The following PRKCA variants were observed in gnomAD, a reference collection of about 807,000 sequenced individuals.
The protein encoded by PRKCA is protein kinase C alpha type.
PRKCA carries 27 observed loss-of-function variants against 87.0 expected under a neutral mutation model. The ratio of observed to expected loss-of-function variants is 0.31; its 90% CI spans 0.23 to 0.43. PRKCA has a LOEUF of 0.43. Ranked by LOEUF, PRKCA falls within the 20% of genes least tolerant of loss-of-function variation. The probability of loss-of-function intolerance (pLI) is 1.00; values close to 1 mark genes in which losing one functional copy is unlikely to be tolerated. For missense variants in PRKCA, 518 were observed against 852.3 expected (o/e 0.61, Z 4.88); for synonymous variants, 329 against 311.1 (o/e 1.06, Z -0.61).
chr17:66,700,510 TC>T (rs1445255446), intron 8 of PRKCA, among the ~76,000 whole-genome samples: 5 of 152,074 alleles, frequency 3.3e-5, no homozygotes. Flanking sequence ...AGTAAAATAG[TC>T]TCTGCAGATG....
At chr17:66,325,966 T>C (rs1401953416) in intron 2 of PRKCA, among the ~76,000 whole-genome samples, 1 of 152,202 alleles carries the variant, frequency 6.6e-6, no homozygotes, top group East Asian at 1.9e-4. Flanking sequence ...TATGAGTGGC[T>C]ACCATCCATT....
chr17:66,631,293 A>AT (rs890408441), intron 3 of PRKCA, among the ~76,000 whole-genome samples: 1 of 152,064 alleles, frequency 6.6e-6, no homozygotes, highest in Non-Finnish European at 1.5e-5. Flanking sequence ...ACGGTAAATA[A>AT]TTTTTTTTAG....
chr17:66,335,904 A>G (rs982227988), intron 2 of PRKCA, among the ~76,000 whole-genome samples: 4 of 152,166 alleles, frequency 2.6e-5, no homozygotes, highest in African/African-American at 4.8e-5. Context: ...CTCTTGATCC[A>G]TATCATCACA....
intron 2 of PRKCA, among the ~76,000 whole-genome samples, chr17:66,331,707 A>G (rs1412537562): frequency 6.6e-6 from 1 of 152,190 alleles, no homozygotes; most frequent in African/African-American, 2.4e-5. Flanking sequence ...CAACTTAATT[A>G]TCTTAAGAGG....
At chr17:66,593,476 T>C (rs1969878522) in intron 3 of PRKCA, among the ~76,000 whole-genome samples, 1 of 152,116 alleles carries the variant, frequency 6.6e-6, no homozygotes, top group Non-Finnish European at 1.5e-5. Context: ...CCAAGCCCAG[T>C]AAAGCAGTTG....
chr17:66,322,986 G>C (rs1454530178), intron 2 of PRKCA, among the ~76,000 whole-genome samples: 1 of 152,134 alleles, frequency 6.6e-6, no homozygotes, highest in Non-Finnish European at 1.5e-5. Flanking sequence ...TCACTATTAT[G>C]ACTTTTAGAT....
At chr17:66,654,669 T>C (rs1971685582) in intron 5 of PRKCA, among the ~76,000 whole-genome samples, 1 of 152,212 alleles carries the variant, frequency 6.6e-6, no homozygotes, top group Non-Finnish European at 1.5e-5. Flanking sequence ...CAATTAATTG[T>C]GGAGGCTACT....
chr17:66,589,247 TCCA>T (rs1318479842), intron 3 of PRKCA, among the ~76,000 whole-genome samples: 6 of 152,140 alleles, frequency 3.9e-5, no homozygotes, highest in African/African-American at 1.4e-4. Flanking sequence ...CACAATTCTG[TCCA>T]CCAAGAGATA....
At chr17:66,679,806 A>G (rs1163793827) in intron 5 of PRKCA, among the ~76,000 whole-genome samples, 3 of 152,194 alleles carry the variant, frequency 2.0e-5, no homozygotes, top group African/African-American at 7.2e-5. Flanking sequence ...TCAGCAAGCG[A>G]AAGTGGAGTT....
intron 2 of PRKCA, among the ~76,000 whole-genome samples, chr17:66,436,447 T>G (rs943177055): frequency 6.6e-6 from 1 of 152,160 alleles, no homozygotes; most frequent in Non-Finnish European, 1.5e-5. Context: ...GAGGATTAAG[T>G]GAGAGAACAC....
chr17:66,781,276 G>A (rs979835755), intron 14 of PRKCA, among the ~76,000 whole-genome samples: 17 of 152,180 alleles, frequency 1.1e-4, no homozygotes, highest in African/African-American at 3.1e-4. Flanking sequence ...GACCAGCACC[G>A]GCCAATGAGA....
chr17:66,618,353 CAA>C lies in PRKCA; in HGVS notation c.289-22987_289-22986del, dbSNP rs34535549. On this transcript the variant is annotated intron_variant, in intron 3 of 16. Coordinates refer to ENST00000413366, the MANE Select transcript of PRKCA (RefSeq NM_002737.3). ...CTGGCCAATGAGTGAAACCCTATCG[CAA>C]AAAAAAAAAAAAAAGAACATAGTCA... Among the ~76,000 whole-genome samples, 1,092 of 134,154 alleles carry C rather than the reference CAA, an allele frequency of 8.1e-3. 5 individuals are homozygous for C. Among genetic ancestry groups the C allele is most frequent in the African/African-American group, 9.0e-3 (322 of 35,724 alleles). The allele number at this position is 134,154 out of a possible 152,430, so 88.0% of individuals were successfully genotyped here.
rs1057476423 is a variant in PRKCA at position 66,649,063 on chromosome 17, G to A, written c.529+3552G>A. Among the ~76,000 whole-genome samples the A allele has an allele frequency of 2.1e-4, 31 of 149,648 alleles. No individual in the cohort carries two copies. The Middle Eastern group carries it at 0.01, about 50-fold the overall frequency. ...AATGAGCCCGAGATTGTGCCACTGC[G>A]TTCCAGCCTGGGCGACAGAGCGAGA... On this transcript the variant is annotated intron_variant, in intron 5 of 16. Transcript: ENST00000413366.
intron 3 of PRKCA, among the ~76,000 whole-genome samples, chr17:66,507,997 C>T (rs890812056): frequency 1.3e-5 from 2 of 152,174 alleles, no homozygotes; most frequent in African/African-American, 4.8e-5. Flanking sequence ...TTCTAGCTGT[C>T]ATTATAACTG....
chr17:66,676,622 A>T (rs907631040), intron 5 of PRKCA: 1 of 152,236 alleles, frequency 6.6e-6, no homozygotes, highest in African/African-American at 2.4e-5. Context: ...AAGGTGTGGG[A>T]CCGGCCGGGG....
chr17:66,582,310 A>G (rs1969467143), intron 3 of PRKCA, among the ~76,000 whole-genome samples: 1 of 152,188 alleles, frequency 6.6e-6, no homozygotes, highest in South Asian at 2.1e-4. Context: ...GATGTGTTTT[A>G]GATTCAGATT....
At chr17:66,384,149 A>G (rs1909920044) in intron 2 of PRKCA, among the ~76,000 whole-genome samples, 1 of 152,202 alleles carries the variant, frequency 6.6e-6, no homozygotes, top group Non-Finnish European at 1.5e-5. Context: ...AATGTATTAA[A>G]TATGAACGAA....
chr17:66,536,304 G>A (rs1266366397), intron 3 of PRKCA, among the ~76,000 whole-genome samples: 1 of 152,114 alleles, frequency 6.6e-6, no homozygotes, highest in Non-Finnish European at 1.5e-5. Flanking sequence ...TACTCTGTCC[G>A]GTTCAGACCA....
chr17:66,801,014 CA>C, intron 16 of PRKCA, among the ~76,000 whole-genome samples: 1 of 152,234 alleles, frequency 6.6e-6, no homozygotes, highest in Non-Finnish European at 1.5e-5. Flanking sequence ...AGGCAATAAG[CA>C]TTGATGAATC....
Sources: allele counts gnomAD v4.1 joint callset (sites outside exome capture counted in the v4.1 genomes callset), GRCh38; gene constraint gnomAD v4.1.1; transcripts MANE v1.5; gene names NCBI Gene and HGNC (gene_info 2026-07-23, HGNC 2026-07-21).